MAU2: variants seen among roughly 807,000 people sequenced by gnomAD.
The protein encoded by MAU2 is MAU2 sister chromatid cohesion factor.
MAU2 carries 9 observed loss-of-function variants against 89.1 expected under a neutral mutation model. That is an observed-to-expected ratio of 0.10 (90% CI 0.06 to 0.18). MAU2 has a LOEUF of 0.18. Ranked by LOEUF, MAU2 falls within the 10% of genes least tolerant of loss-of-function variation. MAU2 has a pLI of 1.00. For missense variants in MAU2, 425 were observed against 803.5 expected, an observed-to-expected ratio of 0.53 and a Z score of 5.69; for synonymous variants, 357 against 343.4, an observed-to-expected ratio of 1.04 and a Z score of -0.44.
intron 3 of MAU2, 124 bp from the exon 4 acceptor site, chr19:19,337,046 A>G (rs1303765785): frequency 2.9e-6 from 2 of 685,558 alleles, no homozygotes; most frequent in Non-Finnish European, 5.1e-6. Flanking sequence ...ACCCCAAAAA[A>G]TCCTTTGGTA....
chr19:19,355,181 C>A, intron 17 of MAU2, 83 bp from the exon 18 acceptor site: 1 of 1,563,158 alleles, frequency 6.4e-7, no homozygotes, highest in Non-Finnish European at 8.7e-7. Flanking sequence ...GGGACTTGAC[C>A]TTAGGGCTCC....
At chr19:19,349,013 C>G in intron 14 of MAU2, 75 bp downstream of exon 14, 1 of 1,577,568 alleles carries the variant, frequency 6.3e-7, no homozygotes, top group Non-Finnish European at 8.7e-7. Flanking sequence ...CTGACTGCCC[C>G]TTGCACCCTG....
Position 19,321,230 on chromosome 19 carries a change from C to T in MAU2, c.276+95C>T, listed in dbSNP as rs866582123. The T allele has an allele frequency of 4.9e-5, 66 of 1,349,146 alleles. 1 individual carries two copies. The African/African-American group carries it at 5.7e-4, about 12-fold the overall frequency. 83.6% of individuals were successfully genotyped at this position (1,349,146 alleles called of 1,614,324 possible). A position where few individuals can be genotyped will look rare whatever the true frequency, so the allele number is the denominator to read the frequency against. On this transcript the variant is annotated intron_variant, in intron 1 of 18. Transcript: ENST00000262815. ...CCGCGGCGGGTGGGGGGCCGCTCCT[C>T]GGCGACCTGGGGGCGCGACCTCCGT...
At position 19,320,964 on chromosome 19, in the gene MAU2, C is replaced by T; in HGVS notation, c.105C>T (p.His35=). 1 of 1,600,080 alleles carries T rather than the reference C, an allele frequency of 6.2e-7. No homozygotes were observed. Among genetic ancestry groups the T allele is most frequent in the Non-Finnish European group, 8.5e-7 (1 of 1,173,448 alleles). ...WYLALLGFAE[H]FRTSSPPKIR... is the part of the protein sequence containing the mutation. The stretch of plus-strand genomic sequence containing the variant: ...TGGCGCTTCTGGGCTTCGCTGAGCA[C>T]TTCCGCACTTCCAGCCCGCCCAAAA... Residue 35 remains histidine (H), a synonymous_variant, in exon 1 of 19, where the codon CAC becomes CAT. Coordinates refer to ENST00000262815, the MANE Select transcript of MAU2 (RefSeq NM_015329.4).
In MAU2 at chr19:19,357,389, C is replaced by T. The variant is rs569179818; in HGVS notation, c.*1607C>T. ...CACTGGCCCACAAACTGTCCCTGTCCTGTCTTCCTCCCGAGCCATGGCCTC... is the reference window on the plus strand; with the variant it reads ...CACTGGCCCACAAACTGTCCCTGTCTTGTCTTCCTCCCGAGCCATGGCCTC... On this transcript the variant is annotated 3_prime_UTR_variant, in exon 19 of 19. Coordinates refer to ENST00000262815, the MANE Select transcript of MAU2 (RefSeq NM_015329.4). The T allele has an allele frequency of 6.6e-6, 1 of 152,590 alleles. No individual in the cohort carries two copies. Among genetic ancestry groups the T allele is most frequent in the Admixed American group, 6.5e-5 (1 of 15,296 alleles). The allele number at this position is 152,590 out of a possible 1,614,324, so 9.5% of individuals were successfully genotyped here. A position where few individuals can be genotyped will look rare whatever the true frequency, so the allele number is the denominator to read the frequency against.
At chr19:19,335,850 C>G (rs1360230352) in intron 2 of MAU2, 115 bp downstream of exon 2, 6 of 1,219,566 alleles carry the variant, frequency 4.9e-6, no homozygotes, top group Admixed American at 1.7e-5. Context: ...AGGCTCGGCC[C>G]ACAGAGCACC....
chr19:19,347,585 A>G (rs554254973), intron 13 of MAU2: 4 of 535,442 alleles, frequency 7.5e-6, no homozygotes, highest in Non-Finnish European at 1.0e-5. Context: ...TCCCATAGCC[A>G]CAGAACACTT....
chr19:19,354,130 G>C, intron 16 of MAU2: 1 of 579,588 alleles, frequency 1.7e-6, no homozygotes, highest in Non-Finnish European at 3.1e-6. Context: ...CCCCTGTGAG[G>C]GCATGAGCCA....
In MAU2 at chr19:19,345,966, T is replaced by C. The variant is rs553931342; in HGVS notation, c.1221+597T>C. 6.6e-6 allele frequency among the ~76,000 whole-genome samples: 1 copy of C among 152,288 alleles called. No homozygotes were observed. Among genetic ancestry groups the C allele is most frequent in the African/African-American group, 2.4e-5 (1 of 41,570 alleles). ...CAACCTCCTCACAGGAAATGGAGGC[T>C]GTGGACACCTTTTTCCTGGTGGTGC... On this transcript the variant is annotated intron_variant, in intron 12 of 18. Transcript: ENST00000262815. The surrounding 1 kb of genome is among the most constrained non-coding windows in gnomAD (Gnocchi z 4.9).
At chr19:19,323,671 T>C (rs1284816158) in intron 1 of MAU2, among the ~76,000 whole-genome samples, 2 of 151,934 alleles carry the variant, frequency 1.3e-5, no homozygotes, top group African/African-American at 4.8e-5. Flanking sequence ...CACACCCAGC[T>C]AATTTTTGTG....
chr19:19,336,283 C>T, intron 3 of MAU2, 96 bp downstream of exon 3: 1 of 927,610 alleles, frequency 1.1e-6, no homozygotes, highest in South Asian at 1.4e-5. Context: ...GAGTTGGAAT[C>T]CCTCCGGCTT....
intron 1 of MAU2, among the ~76,000 whole-genome samples, chr19:19,332,326 A>ATTTTTT (rs35913129): frequency 2.0e-5 from 2 of 101,950 alleles, no homozygotes; most frequent in East Asian, 6.1e-4. Flanking sequence ...TGCCTGGCTG[A>ATTTTTT]TTTTTTTTTT....
chr19:19,335,663 A>G, intron 1 of MAU2, 55 bp from the exon 2 acceptor site: 1 of 1,599,420 alleles, frequency 6.3e-7, no homozygotes, highest in South Asian at 1.1e-5. Flanking sequence ...GCGAGCCAGT[A>G]ACCAGGTGCC....
Position 19,357,824 on chromosome 19 carries a change from G to A in MAU2, c.*2042G>A, listed in dbSNP as rs978675513. The A allele has an allele frequency of 1.6e-4, 24 of 152,120 alleles. No individual in the cohort carries two copies. The highest frequency in any genetic ancestry group is 5.3e-4 in the African/African-American group (22 of 41,420). 9.4% of individuals were successfully genotyped at this position (152,120 alleles called of 1,614,324 possible). ...CATGTGTGTGTGTGCGTGTGTGCAAGCTTTGAACCTCCTTCCACAGCCGCA... is the reference window on the plus strand; with the variant it reads ...CATGTGTGTGTGTGCGTGTGTGCAAACTTTGAACCTCCTTCCACAGCCGCA... On this transcript the variant is annotated 3_prime_UTR_variant, in exon 19 of 19. Transcript: ENST00000262815.
At position 19,335,307 on chromosome 19, in the gene MAU2, G is replaced by A. The variant is rs527404244; in HGVS notation, c.277-411G>A. Reference sequence around the variant, plus strand: ...AGTTGAAACTGATTTCTCGTGTTATGCTTTGCTGAACGTCCTTCCTCTCTG... The same window carrying A: ...AGTTGAAACTGATTTCTCGTGTTATACTTTGCTGAACGTCCTTCCTCTCTG... On this transcript the variant is annotated intron_variant, in intron 1 of 18. Transcript: ENST00000262815. 3.3e-5 allele frequency among the ~76,000 whole-genome samples: 5 copies of A among 152,282 alleles called. No homozygotes were observed. The East Asian group carries it at 9.6e-4, about 29-fold the overall frequency.
In MAU2 at chr19:19,320,876, C is replaced by T. The variant is rs201501005; in HGVS notation, c.17C>T (p.Ala6Val). Reference sequence around the variant, plus strand: ...GAGGCCAAAATGGCGGCTCAGGCGGCGGCAGCGGCCCAGGCGGCGGCGGCC... The same window carrying T: ...GAGGCCAAAATGGCGGCTCAGGCGGTGGCAGCGGCCCAGGCGGCGGCGGCC... Reference protein sequence around the residue: MAAQAAAAAQAAAAQA... With the variant: MAAQAVAAAQAAAAQA... The change falls in exon 1 of 19, where the codon GCG (alanine) becomes GTG (valine). Residue 6 changes from alanine to valine, a missense_variant. Physicochemically the swap from Ala to Val is moderately conservative, Grantham distance 64 (BLOSUM62 0). Coordinates refer to ENST00000262815, the MANE Select transcript of MAU2 (RefSeq NM_015329.4). The T allele has an allele frequency of 6.6e-5, 100 of 1,521,526 alleles. No homozygotes were observed. In the East Asian group the frequency reaches 2.4e-3, roughly 37 times the overall value. 94.3% of individuals were successfully genotyped at this position (1,521,526 alleles called of 1,614,324 possible). A position where few individuals can be genotyped will look rare whatever the true frequency, so the allele number is the denominator to read the frequency against.
At chr19:19,326,702 G>GTATA (rs560689514) in intron 1 of MAU2, among the ~76,000 whole-genome samples, 3,529 of 49,238 alleles carry the variant, frequency 0.072, 358 homozygotes, top group Non-Finnish European at 0.14. Flanking sequence ...ATATATATAT[G>GTATA]TATATATATA....
chr19:19,326,749 C>G (rs1166678779), intron 1 of MAU2, among the ~76,000 whole-genome samples: 1 of 66,116 alleles, frequency 1.5e-5, no homozygotes, highest in Non-Finnish European at 3.8e-5. Context: ...CAAAAATTAA[C>G]CAGGCATGGT....
chr19:19,323,654 G>A (rs899093686), intron 1 of MAU2, among the ~76,000 whole-genome samples: 7 of 151,990 alleles, frequency 4.6e-5, no homozygotes, highest in Non-Finnish European at 8.8e-5. Flanking sequence ...CCACAGGTAC[G>A]CACCACCACA....
Sources: gnomAD v4.1 joint callset for allele counts (sites outside exome capture counted in the v4.1 genomes callset) on GRCh38, gnomAD v4.1.1 for gene constraint, Gnocchi (gnomAD v3.1) non-coding constraint, MANE v1.5 for transcripts, NCBI Gene and HGNC (gene_info 2026-07-23, HGNC 2026-07-21) for gene names.